The following PINX1 variants were observed in gnomAD, a reference collection of about 807,000 sequenced individuals.
PINX1 encodes PIN2 (TERF1) interacting telomerase inhibitor 1.
PINX1 carries 34 observed loss-of-function variants against 25.4 expected under a neutral mutation model. That is an observed-to-expected ratio of 1.34 (90% CI 1.02 to 1.78). The LOEUF is 1.78. PINX1 is among the 40% of genes most tolerant of loss of function. The probability of loss-of-function intolerance (pLI) is 0.00; values close to 1 mark genes in which losing one functional copy is unlikely to be tolerated. For missense variants in PINX1, 592 were observed against 404.9 expected (o/e 1.46, Z -3.97); for synonymous variants, 197 against 147.7 (o/e 1.33, Z -2.42).
intron 6 of PINX1, among the ~76,000 whole-genome samples, chr8:10,782,753 G>C (rs1478938578): frequency 1.3e-5 from 2 of 150,472 alleles, no homozygotes; most frequent in African/African-American, 5.0e-5. Context: ...AAAGTACTCA[G>C]GAGCCAGACT....
rs751490275 is a variant in PINX1, at chr8:10,787,041, A to G, written c.472-21125T>C. Reference sequence around the variant, plus strand: ...ACAAGTATTCTGGTTGTAAAACGACATACATTTTAACAGTTTGACTCTTAC... The same window carrying G: ...ACAAGTATTCTGGTTGTAAAACGACGTACATTTTAACAGTTTGACTCTTAC... On this transcript the variant is annotated intron_variant, in intron 6 of 6. Coordinates refer to ENST00000314787, the MANE Select transcript of PINX1 (RefSeq NM_017884.6). Among the ~76,000 whole-genome samples, 42 of 152,134 alleles carry G rather than the reference A, an allele frequency of 2.8e-4. 1 individual carries two copies. The highest frequency in any genetic ancestry group is 2.8e-4 in the Non-Finnish European group (19 of 68,042).
intron 6 of PINX1, among the ~76,000 whole-genome samples, chr8:10,784,459 T>C (rs898881634): frequency 2.6e-5 from 4 of 152,222 alleles, no homozygotes; most frequent in Admixed American, 6.5e-5. Context: ...CTAACTGCAC[T>C]GATTCCCAAA....
chr8:10,765,251 G>A lies in PINX1; in HGVS notation c.*150C>T. ...GGGAATGTAACTTGGGGGAAATGTG[G>A]CGAGAGGGCAGGACTCGGCAGCCCA... On this transcript the variant is annotated 3_prime_UTR_variant, in exon 7 of 7. Coordinates refer to ENST00000314787, the MANE Select transcript of PINX1 (RefSeq NM_017884.6). 1 of 622,622 alleles carries A rather than the reference G, an allele frequency of 1.6e-6. No homozygotes were observed. The highest frequency in any genetic ancestry group is 2.6e-5 in the South Asian group (1 of 38,610). The allele number at this position is 622,622 out of a possible 1,614,324, so 38.6% of individuals were successfully genotyped here.
rs541522258 is a variant in PINX1 at position 10,765,093 on chromosome 8, C to T, written c.*308G>A. 24 of 335,016 alleles carry T rather than the reference C, an allele frequency of 7.2e-5. No homozygotes were observed. The highest frequency in any genetic ancestry group is 3.6e-4 in the African/African-American group (17 of 47,592). 20.8% of individuals were successfully genotyped at this position (335,016 alleles called of 1,614,324 possible). A position where few individuals can be genotyped will look rare whatever the true frequency, so the allele number is the denominator to read the frequency against. ...ACACAGATGCGCACATGCACACACACGTGTGCACACTTACATGAATGCATG... is the reference window on the plus strand; with the variant it reads ...ACACAGATGCGCACATGCACACACATGTGTGCACACTTACATGAATGCATG... On this transcript the variant is annotated 3_prime_UTR_variant, in exon 7 of 7. Coordinates refer to ENST00000314787, the MANE Select transcript of PINX1 (RefSeq NM_017884.6).
At chr8:10,790,398 C>T (rs745782220) in intron 6 of PINX1, among the ~76,000 whole-genome samples, 7 of 152,134 alleles carry the variant, frequency 4.6e-5, no homozygotes, top group Admixed American at 3.9e-4. Flanking sequence ...GTTAACAGCA[C>T]GAGCGATGAG....
chr8:10,788,959 C>T (rs1420416698), intron 6 of PINX1, among the ~76,000 whole-genome samples: 1 of 139,180 alleles, frequency 7.2e-6, no homozygotes, highest in African/African-American at 2.7e-5. Context: ...TTATGTAATA[C>T]CAGAACTGAG....
chr8:10,813,270 T>G (rs1797593387), intron 6 of PINX1, among the ~76,000 whole-genome samples: 1 of 152,096 alleles, frequency 6.6e-6, no homozygotes, highest in Non-Finnish European at 1.5e-5. Flanking sequence ...GGGATCCACC[T>G]CCTATAAACC....
At chr8:10,812,644 A>G (rs73208778) in intron 6 of PINX1, among the ~76,000 whole-genome samples, 1 of 152,084 alleles carries the variant, frequency 6.6e-6, no homozygotes, top group East Asian at 1.9e-4. Context: ...TGTGCATAAC[A>G]TGCTTTCCAG....
intron 5 of PINX1, chr8:10,821,993 T>C (rs186862448): frequency 1.3e-5 from 2 of 152,218 alleles, no homozygotes; most frequent in Admixed American, 6.5e-5. Flanking sequence ...CAGTAAGCTA[T>C]ATCAATGAAG....
At chr8:10,797,166 C>CAG (rs1231566736) in intron 6 of PINX1, among the ~76,000 whole-genome samples, 2 of 152,156 alleles carry the variant, frequency 1.3e-5, no homozygotes, top group African/African-American at 4.8e-5. Context: ...CAGGGGTCTT[C>CAG]ACGCTCACTA....
At chr8:10,829,219 G>C (rs910645950) in intron 4 of PINX1, among the ~76,000 whole-genome samples, 1 of 147,212 alleles carries the variant, frequency 6.8e-6, no homozygotes, top group African/African-American at 2.6e-5. Flanking sequence ...CCGGGAGGCG[G>C]AGGTTGCGGT....
At chr8:10,829,959 C>T (rs1184556539) in intron 4 of PINX1, among the ~76,000 whole-genome samples, 2 of 152,236 alleles carry the variant, frequency 1.3e-5, no homozygotes, top group African/African-American at 4.8e-5. Context: ...GCTGGTATTA[C>T]ACCGTGCCCA....
chr8:10,770,369 A>C (rs573129771), intron 6 of PINX1, among the ~76,000 whole-genome samples: 1 of 152,250 alleles, frequency 6.6e-6, no homozygotes, highest in Middle Eastern at 3.2e-3. Context: ...GAGTGGGCAC[A>C]AAGGCAAGCT....
intron 6 of PINX1, among the ~76,000 whole-genome samples, chr8:10,819,797 A>C (rs930807207): frequency 7.2e-5 from 11 of 152,154 alleles, no homozygotes; most frequent in Non-Finnish European, 1.3e-4. Context: ...TGAAGGTGAC[A>C]TGCTTCCTCC....
chr8:10,765,101 C>A lies in PINX1; in HGVS notation c.*300G>T. On this transcript the variant is annotated 3_prime_UTR_variant, in exon 7 of 7. Transcript: ENST00000314787. Reference sequence around the variant, plus strand: ...GCGCACATGCACACACACGTGTGCACACTTACATGAATGCATGTATTTGTA... The same window carrying A: ...GCGCACATGCACACACACGTGTGCAAACTTACATGAATGCATGTATTTGTA... 2.7e-6 allele frequency: 1 copy of A among 364,446 alleles called. No individual in the cohort carries two copies. The highest frequency in any genetic ancestry group is 5.0e-6 in the Non-Finnish European group (1 of 201,706). The allele number at this position is 364,446 out of a possible 1,614,324, so 22.6% of individuals were successfully genotyped here. A position where few individuals can be genotyped will look rare whatever the true frequency, so the allele number is the denominator to read the frequency against.
Position 10,839,606 on chromosome 8 carries a change from G to A in PINX1, c.19+132C>T, listed in dbSNP as rs552286814. 37 of 911,100 alleles carry A rather than the reference G, an allele frequency of 4.1e-5. No individual in the cohort carries two copies. In the South Asian group the frequency reaches 5.3e-4, roughly 13 times the overall value. 56.4% of individuals were successfully genotyped at this position (911,100 alleles called of 1,614,324 possible). A position where few individuals can be genotyped will look rare whatever the true frequency, so the allele number is the denominator to read the frequency against. Reference sequence around the variant, plus strand: ...AGCAGGACAATCAGAGCCGGGCTCGGCTCCCCGGTCCCCCGATCCCATGCG... The same window carrying A: ...AGCAGGACAATCAGAGCCGGGCTCGACTCCCCGGTCCCCCGATCCCATGCG... On this transcript the variant is annotated intron_variant, in intron 1 of 6. Transcript: ENST00000314787.
chr8:10,798,354 A>G (rs1374355667), intron 6 of PINX1, among the ~76,000 whole-genome samples: 1 of 152,154 alleles, frequency 6.6e-6, no homozygotes, highest in Non-Finnish European at 1.5e-5. Context: ...TCCCAAATCC[A>G]TTTCCCTCAA....
At chr8:10,779,037 G>C (rs1372098795) in intron 6 of PINX1, among the ~76,000 whole-genome samples, 1 of 152,212 alleles carries the variant, frequency 6.6e-6, no homozygotes. Context: ...CTGTTCCTAG[G>C]TTTAGAAAAA....
intron 2 of PINX1, chr8:10,834,301 CA>C (rs1311084222): frequency 5.3e-6 from 1 of 188,320 alleles, no homozygotes; most frequent in African/African-American, 2.4e-5. Context: ...AATGTGAGAA[CA>C]AAACAAGCGG....
Sources: allele counts gnomAD v4.1 joint callset (sites outside exome capture counted in the v4.1 genomes callset), GRCh38; gene constraint gnomAD v4.1.1; transcripts MANE v1.5; gene names NCBI Gene and HGNC (gene_info 2026-07-23, HGNC 2026-07-21).